OSBPL7: variants seen among roughly 807,000 people sequenced by gnomAD.
OSBPL7 encodes the protein oxysterol binding protein like 7.
Under a neutral mutation model 115.8 loss-of-function variants are expected in OSBPL7, and 66 were observed. The observed-to-expected ratio is 0.57, with a 90% CI of 0.47 to 0.70. The LOEUF is 0.70. Ranked by LOEUF, OSBPL7 falls within the 30% of genes least tolerant of loss-of-function variation. The pLI, the probability that OSBPL7 is intolerant of heterozygous loss-of-function variation, is 0.00. For missense variants in OSBPL7, 902 were observed against 1,125.5 expected (o/e 0.80, Z 2.84); for synonymous variants, 441 against 439.2 (o/e 1.00, Z -0.05).
intron 15 of OSBPL7, 73 bp downstream of exon 15, chr17:47,813,514 G>T: frequency 6.3e-7 from 1 of 1,587,130 alleles, no homozygotes; most frequent in Non-Finnish European, 8.6e-7. Flanking sequence ...GCCCAGCCAG[G>T]ATTTTCTGGG....
chr17:47,817,501 T>C, intron 7 of OSBPL7, 142 bp from the exon 8 acceptor site: 2 of 583,968 alleles, frequency 3.4e-6, no homozygotes, highest in African/African-American at 1.9e-5. Flanking sequence ...GTGATTCTCC[T>C]GCCTCAGCCT....
At chr17:47,821,101 GGCCCAGGACAT>G (rs1405027327) in intron 1 of OSBPL7, among the ~76,000 whole-genome samples, 2 of 152,178 alleles carry the variant, frequency 1.3e-5, no homozygotes, top group Non-Finnish European at 2.9e-5. Flanking sequence ...GAGAAGAGGG[GGCCCAGGACAT>G]GCCCAGGTCT....
intron 4 of OSBPL7, chr17:47,819,441 G>C (rs17774008): frequency 0.3 from 174,069 of 573,202 alleles, 31,254 homozygotes; most frequent in Non-Finnish European, 0.38. Flanking sequence ...GGACCAGGAT[G>C]AGGGTGGTAA....
At chr17:47,819,592 G>T in intron 4 of OSBPL7, 137 bp downstream of exon 4, 1 of 1,006,640 alleles carries the variant, frequency 9.9e-7, no homozygotes, top group Non-Finnish European at 1.5e-6. Flanking sequence ...GATGTAACTT[G>T]CCCGAGATCA....
chr17:47,815,525 T>A, intron 12 of OSBPL7, 173 bp from the exon 13 acceptor site: 1 of 763,142 alleles, frequency 1.3e-6, no homozygotes, highest in Non-Finnish European at 2.1e-6. Context: ...GACAAAGGCA[T>A]AGTAAAATGA....
At chr17:47,821,162 C>G (rs1248701138) in intron 1 of OSBPL7, among the ~76,000 whole-genome samples, 1 of 152,216 alleles carries the variant, frequency 6.6e-6, no homozygotes, top group Non-Finnish European at 1.5e-5. Context: ...ACCCTTGGCA[C>G]TGGCCCTGGC....
Position 47,813,341 on chromosome 17 carries a change from C to T in OSBPL7, c.1662G>A (p.Lys554=), listed in dbSNP as rs2301690. The T allele has an allele frequency of 0.35, 557,540 of 1,613,850 alleles. 104,383 individuals carry two copies. The highest frequency in any genetic ancestry group is 0.39 in the Non-Finnish European group (457,803 of 1,179,920). Residue 554 remains lysine (K), a synonymous_variant, in exon 16 of 23, where the codon AAG becomes AAA. Transcript: ENST00000007414. ...TCTCCCCCAGGACAGGGTTGAAGGG[C>T]TTGCAGCCGGCTCGGTGGTATGTGG... ...YSSTYHRAGC[K]PFNPVLGETY... is the part of the protein sequence containing the mutation.
rs190653537 is a variant in OSBPL7 at position 47,819,817 on chromosome 17, G to A, written c.202-35C>T. 4.9e-5 allele frequency: 79 copies of A among 1,613,884 alleles called. 1 individual carries two copies. In the East Asian group the frequency reaches 1.7e-3, roughly 35 times the overall value. ...TGCCCAGGAGTGACAGGACCCGGGAGGCCGAGAGGAAGGGCATGAGGGAGA... is the reference window on the plus strand; with the variant it reads ...TGCCCAGGAGTGACAGGACCCGGGAAGCCGAGAGGAAGGGCATGAGGGAGA... On this transcript the variant is annotated intron_variant, in intron 3 of 22. Transcript: ENST00000007414.
At position 47,816,512 on chromosome 17, in the gene OSBPL7, C is replaced by T. The variant is rs757923379; in HGVS notation, c.929-30G>A. The T allele has an allele frequency of 2.6e-6, 4 of 1,563,664 alleles. No individual in the cohort carries two copies. The Admixed American group carries it at 5.7e-5, about 22-fold the overall frequency. On this transcript the variant is annotated intron_variant, in intron 10 of 22. Coordinates refer to ENST00000007414, the MANE Select transcript of OSBPL7 (RefSeq NM_145798.3). The surrounding 1 kb of genome is among the most constrained non-coding windows in gnomAD (Gnocchi z 5.8). ...AGGGAGTGGGGCAGACCATCAGAGT[C>T]CTCGCTCGCTCCTGTCCGCTCCCCA... is the stretch of plus-strand genomic sequence containing the variant.
chr17:47,818,374 G>A lies in OSBPL7; in HGVS notation c.493C>T (p.Gln165Ter). 1 of 1,613,760 alleles carries A rather than the reference G, an allele frequency of 6.2e-7. No individual in the cohort carries two copies. The highest frequency in any genetic ancestry group is 8.5e-7 in the Non-Finnish European group (1 of 1,179,826). Residue 165 changes from glutamine (Q) to a stop codon, truncating the protein, a stop_gained, in exon 7 of 23, where the codon CAG (glutamine) becomes TAG (stop). Coordinates refer to ENST00000007414, the MANE Select transcript of OSBPL7 (RefSeq NM_145798.3). LOFTEE classifies it high-confidence loss of function. ...GAGGCAGTAGCTGCTGTTGGAAGCT[G>A]GGCACCAGGAACCTGTGGGGTGAGC... ...STAHRKVPGAQLPTAATASAL... is the reference protein window; with the variant it reads ...STAHRKVPGA
intron 16 of OSBPL7, 130 bp downstream of exon 16, chr17:47,813,136 C>T (rs1305370264): frequency 2.3e-6 from 3 of 1,278,806 alleles, no homozygotes; most frequent in Non-Finnish European, 3.2e-6. Context: ...CACCGCAGAG[C>T]CCGGCACAGA....
At chr17:47,813,447 C>T (rs1244445331) in intron 15 of OSBPL7, 44 bp from the exon 16 acceptor site, 1 of 1,610,494 alleles carries the variant, frequency 6.2e-7, no homozygotes, top group African/African-American at 1.3e-5. Context: ...GACGGGGCCG[C>T]CACCCCAAGC....
intron 14 of OSBPL7, 36 bp downstream of exon 14, chr17:47,814,485 C>A: frequency 4.6e-6 from 5 of 1,089,514 alleles, no homozygotes; most frequent in South Asian, 1.2e-5. Flanking sequence ...TTCCACCCGC[C>A]TCCCACCCCT....
chr17:47,810,574 TGA>T lies in OSBPL7; in HGVS notation c.1880+18_1880+19del, dbSNP rs774292272. 4.5e-5 allele frequency: 72 copies of T among 1,604,186 alleles called. No individual in the cohort carries two copies. The highest frequency in any genetic ancestry group is 5.8e-5 in the Non-Finnish European group (68 of 1,171,178). On this transcript the variant is annotated intron_variant, in intron 18 of 22. Coordinates refer to ENST00000007414, the MANE Select transcript of OSBPL7 (RefSeq NM_145798.3). ...ATTGCCTGTGGCTTGGCCTGGCTGCTGAGAGTCTAAGAATCCCACCTGGGCAG... is the reference window on the plus strand; with the variant it reads ...ATTGCCTGTGGCTTGGCCTGGCTGCTGAGTCTAAGAATCCCACCTGGGCAG...
chr17:47,820,574 G>A (rs1424418802), intron 1 of OSBPL7: 5 of 338,574 alleles, frequency 1.5e-5, no homozygotes, highest in African/African-American at 4.3e-5. Context: ...CACAGCAGAC[G>A]GGCAGGTGCC....
rs1294019270 is a variant in OSBPL7 at position 47,814,774 on chromosome 17, C to G, written c.1258-160G>C. On this transcript the variant is annotated intron_variant, in intron 13 of 22. Coordinates refer to ENST00000007414, the MANE Select transcript of OSBPL7 (RefSeq NM_145798.3). Reference sequence around the variant, plus strand: ...AGCCCTAAGACATTGCCCCGGGATGCCTGGCATCACGGAGTGTGCCCAGCC... The same window carrying G: ...AGCCCTAAGACATTGCCCCGGGATGGCTGGCATCACGGAGTGTGCCCAGCC... 4 of 655,442 alleles carry G rather than the reference C, an allele frequency of 6.1e-6. No homozygotes were observed. The African/African-American group carries it at 7.3e-5, about 12-fold the overall frequency. The allele number at this position is 655,442 out of a possible 1,614,324, so 40.6% of individuals were successfully genotyped here. A position where few individuals can be genotyped will look rare whatever the true frequency, so the allele number is the denominator to read the frequency against.
At position 47,820,306 on chromosome 17, in the gene OSBPL7, G is replaced by A. The variant is rs944439062; in HGVS notation, c.-28C>T. 8.7e-6 allele frequency: 14 copies of A among 1,605,890 alleles called. No homozygotes were observed. Among genetic ancestry groups the A allele is most frequent in the Non-Finnish European group, 1.2e-5 (14 of 1,174,938 alleles). On this transcript the variant is annotated 5_prime_UTR_variant, in exon 2 of 23. Transcript: ENST00000007414. Reference sequence around the variant, plus strand: ...AGAAGGGAGAGGCCACTCCCTGCTGGGGATGTAGAGCAGGGAGCAGGGTGG... The same window carrying A: ...AGAAGGGAGAGGCCACTCCCTGCTGAGGATGTAGAGCAGGGAGCAGGGTGG...
rs1257433351 is a variant in OSBPL7 at position 47,813,568 on chromosome 17, G to A, written c.1599+19C>T. On this transcript the variant is annotated intron_variant, in intron 15 of 22. Transcript: ENST00000007414. ...AAGGAAGCAGCCTTGGGCTGGGCGT[G>A]AGGACAGGAAGCAGGTACCATGCGC... 8 of 1,602,600 alleles carry A rather than the reference G, an allele frequency of 5.0e-6. No homozygotes were observed. The highest frequency in any genetic ancestry group is 6.8e-6 in the Non-Finnish European group (8 of 1,173,052).
chr17:47,810,180 G>A (rs1274865859), intron 18 of OSBPL7, among the ~76,000 whole-genome samples: 3 of 152,050 alleles, frequency 2.0e-5, no homozygotes, highest in Non-Finnish European at 2.9e-5. Flanking sequence ...TCTGGCTTCA[G>A]ACCTCTGCCT....
Sources: gnomAD v4.1 joint callset for allele counts (sites outside exome capture counted in the v4.1 genomes callset) on GRCh38, gnomAD v4.1.1 for gene constraint, Gnocchi (gnomAD v3.1) non-coding constraint, MANE v1.5 for transcripts, NCBI Gene and HGNC (gene_info 2026-07-23, HGNC 2026-07-21) for gene names.